Variants in NALCN observed in about 807,000 individuals in gnomAD.
NALCN encodes sodium leak channel NALCN.
Under a neutral mutation model 225.3 loss-of-function variants are expected in NALCN, and 111 were observed. The observed-to-expected ratio is 0.49, with a 90% CI of 0.42 to 0.58. The LOEUF (loss-of-function observed/expected upper bound fraction) is 0.58, where lower values mean the gene tolerates loss of function less well. Ranked by LOEUF, NALCN falls within the 20% of genes least tolerant of loss-of-function variation. The probability of loss-of-function intolerance (pLI) is 0.00; values close to 1 mark genes in which losing one functional copy is unlikely to be tolerated. For missense variants in NALCN, 1,378 were observed against 2,202.4 expected, an observed-to-expected ratio of 0.63 and a Z score of 7.49; for synonymous variants, 764 against 769.0, an observed-to-expected ratio of 0.99 and a Z score of 0.11.
intron 36 of NALCN, 51 bp from the exon 37 acceptor site, chr13:101,073,728 C>T (rs773319411): frequency 2.0e-5 from 29 of 1,477,118 alleles, no homozygotes; most frequent in Non-Finnish European, 2.5e-5. Flanking sequence ...AAGGGTTTGT[C>T]ATGAAATAGC....
At chr13:101,142,153 T>TTTC (rs2037116422) in intron 17 of NALCN, among the ~76,000 whole-genome samples, 1 of 144,122 alleles carries the variant, frequency 6.9e-6, no homozygotes, top group Non-Finnish European at 1.5e-5. Flanking sequence ...TTTTTTTTTT[T>TTTC]TTTTTTGAGA....
intron 10 of NALCN, among the ~76,000 whole-genome samples, chr13:101,278,932 G>A (rs981426656): frequency 6.6e-6 from 1 of 152,144 alleles, no homozygotes; most frequent in African/African-American, 2.4e-5. Context: ...GCTTCTAAGC[G>A]AGAGGTCAAA....
At chr13:101,321,838 T>C (rs1594673189) in intron 7 of NALCN, among the ~76,000 whole-genome samples, 1 of 152,270 alleles carries the variant, frequency 6.6e-6, no homozygotes, top group East Asian at 1.9e-4. Context: ...CTCATAATAA[T>C]GTTATCTTGG....
chr13:101,131,400 T>C lies in NALCN; in HGVS notation c.2119-6719A>G, dbSNP rs899862404. Among the ~76,000 whole-genome samples, 9 of 152,186 alleles carry C rather than the reference T, an allele frequency of 5.9e-5. No individual in the cohort carries two copies. The South Asian group carries it at 1.9e-3, about 31-fold the overall frequency. On this transcript the variant is annotated intron_variant, in intron 17 of 43. Coordinates refer to ENST00000251127, the MANE Select transcript of NALCN (RefSeq NM_052867.4). Reference sequence around the variant, plus strand: ...ACTCATTTTTATACAAAATTAGTTTTCCCAAACAGTTTAGTATTTCTCTTC... The same window carrying C: ...ACTCATTTTTATACAAAATTAGTTTCCCCAAACAGTTTAGTATTTCTCTTC...
chr13:101,247,111 G>A (rs747429106), intron 11 of NALCN, among the ~76,000 whole-genome samples: 1 of 152,166 alleles, frequency 6.6e-6, no homozygotes, highest in African/African-American at 2.4e-5. Context: ...AGGGTGAGGA[G>A]ACTAAGGCAC....
chr13:101,397,253 G>A (rs770576226), intron 2 of NALCN, among the ~76,000 whole-genome samples: 1 of 150,202 alleles, frequency 6.7e-6, no homozygotes, highest in Non-Finnish European at 1.5e-5. Flanking sequence ...GACTGGGAAG[G>A]ACAACAAAGA....
intron 14 of NALCN, among the ~76,000 whole-genome samples, chr13:101,188,610 A>G (rs1397008966): frequency 2.7e-5 from 4 of 150,872 alleles, no homozygotes; most frequent in African/African-American, 9.8e-5. Flanking sequence ...ATATATACAT[A>G]TATACACACA....
intron 7 of NALCN, among the ~76,000 whole-genome samples, chr13:101,320,403 A>C (rs1036957409): frequency 6.6e-6 from 1 of 152,182 alleles, no homozygotes; most frequent in African/African-American, 2.4e-5. Context: ...TTTAGAAGGA[A>C]AATTAAAAAT....
chr13:101,140,108 A>C (rs10508054), intron 17 of NALCN, among the ~76,000 whole-genome samples: 16,095 of 152,284 alleles, frequency 0.11, 1,150 homozygotes, highest in East Asian at 0.36. Flanking sequence ...TAACAGGAGC[A>C]GTTGTCTTGC....
In NALCN at chr13:101,237,767, G is replaced by A. The variant is rs754970097; in HGVS notation, c.1422C>T (p.Phe474=). Reference sequence around the variant, plus strand: ...TTATTTTTATTACCTGAAAGTACGTGAATTGTGAATGATAAAGATCTGGGT... The same window carrying A: ...TTATTTTTATTACCTGAAAGTACGTAAATTGTGAATGATAAAGATCTGGGT... ...HVYPDLYHSQ[F]TYFQVLRVVR... Residue 474 remains phenylalanine, a synonymous_variant, in exon 12 of 44, where the codon TTC becomes TTT. Coordinates refer to ENST00000251127, the MANE Select transcript of NALCN (RefSeq NM_052867.4). The A allele has an allele frequency of 1.0e-5, 16 of 1,576,416 alleles. No homozygotes were observed. The highest frequency in any genetic ancestry group is 1.4e-5 in the Non-Finnish European group (16 of 1,165,764).
chr13:101,365,780 A>T (rs1355456874), intron 6 of NALCN, among the ~76,000 whole-genome samples: 2 of 152,138 alleles, frequency 1.3e-5, no homozygotes, highest in Non-Finnish European at 2.9e-5. Context: ...GTGATGTGTG[A>T]TCACCCTACC....
chr13:101,266,703 T>C (rs1221298782), intron 10 of NALCN, among the ~76,000 whole-genome samples: 1 of 152,222 alleles, frequency 6.6e-6, no homozygotes, highest in African/African-American at 2.4e-5. Context: ...AATTACATGA[T>C]GAAATTCTCA....
At chr13:101,283,806 A>T in intron 10 of NALCN, 127 bp downstream of exon 10, 1 of 728,578 alleles carries the variant, frequency 1.4e-6, no homozygotes, top group Non-Finnish European at 2.1e-6. Context: ...GGAGTGAAAT[A>T]CCATCTCTAA....
intron 7 of NALCN, among the ~76,000 whole-genome samples, chr13:101,334,867 G>A (rs1009837336): frequency 6.6e-6 from 1 of 151,908 alleles, no homozygotes; most frequent in African/African-American, 2.4e-5. Flanking sequence ...AACTTACAGA[G>A]AGGGGAGAAG....
At chr13:101,060,180 C>T (rs2031739450) in intron 41 of NALCN, among the ~76,000 whole-genome samples, 1 of 151,826 alleles carries the variant, frequency 6.6e-6, no homozygotes, top group South Asian at 2.1e-4. Context: ...ATTGACTTCC[C>T]AGTCCATTTT....
chr13:101,222,415 A>G (rs2040975791), intron 13 of NALCN, among the ~76,000 whole-genome samples: 1 of 151,918 alleles, frequency 6.6e-6, no homozygotes, highest in South Asian at 2.1e-4. Context: ...TACCCTCAAT[A>G]CCGATTTTAG....
intron 12 of NALCN, among the ~76,000 whole-genome samples, chr13:101,231,587 C>T (rs762429879): frequency 3.3e-5 from 5 of 151,976 alleles, no homozygotes; most frequent in Non-Finnish European, 7.4e-5. Flanking sequence ...ATAACAGCTC[C>T]CAAATTCAGA....
At chr13:101,297,966 C>A (rs2043817490) in intron 7 of NALCN, among the ~76,000 whole-genome samples, 1 of 152,190 alleles carries the variant, frequency 6.6e-6, no homozygotes, top group South Asian at 2.1e-4. Context: ...CTGGTTAAAT[C>A]TCAGTTTGAG....
intron 28 of NALCN, among the ~76,000 whole-genome samples, chr13:101,093,601 A>T (rs554184062): frequency 1.3e-5 from 2 of 152,284 alleles, no homozygotes; most frequent in East Asian, 3.9e-4. Flanking sequence ...CCTTCCATAA[A>T]ATATTGCATT....
Sources: allele counts gnomAD v4.1 joint callset (sites outside exome capture counted in the v4.1 genomes callset), GRCh38; gene constraint gnomAD v4.1.1; transcripts MANE v1.5; gene names NCBI Gene and HGNC (gene_info 2026-07-23, HGNC 2026-07-21).